EIF4G3: variants seen among roughly 807,000 people sequenced by gnomAD.
The protein encoded by EIF4G3 is eukaryotic translation initiation factor 4 gamma 3.
EIF4G3 carries 34 observed loss-of-function variants against 186.4 expected under a neutral mutation model. The observed-to-expected ratio is 0.18, with a 90% CI of 0.14 to 0.24. The LOEUF is 0.24. Among genes scored for constraint, EIF4G3 ranks in the 10% least tolerant of loss-of-function variants. EIF4G3 has a pLI of 1.00. For missense variants in EIF4G3, 1,536 were observed against 1,948.5 expected (o/e 0.79, Z 3.99); for synonymous variants, 673 against 679.5 (o/e 0.99, Z 0.15).
At chr1:20,844,207 C>T (rs778575577) in intron 29 of EIF4G3, among the ~76,000 whole-genome samples, 4 of 152,108 alleles carry the variant, frequency 2.6e-5, no homozygotes, top group Non-Finnish European at 4.4e-5. Context: ...GTATTTCTGT[C>T]TCTAGGTCTC....
Position 20,857,471 on chromosome 1 carries a change from A to G in EIF4G3, c.3271T>C (p.Trp1091Arg), listed in dbSNP as rs781410880. 4.3e-6 allele frequency: 7 copies of G among 1,614,126 alleles called. No homozygotes were observed. The highest frequency in any genetic ancestry group is 5.9e-6 in the Non-Finnish European group (7 of 1,180,028). Residue 1091 changes from tryptophan to arginine, a missense_variant, in exon 25 of 37, where the codon TGG becomes CGG. By Grantham distance (101) the Trp-to-Arg change is moderately radical. Around this residue, in one of 11 missense-constraint regions of EIF4G3, gnomAD observed 110 missense variants for 166.2 expected, o/e 0.66. Coordinates refer to ENST00000602326, the MANE Select transcript of EIF4G3 (RefSeq NM_001391906.1). ...PGVQRVDEGG[W>R]NTVQGAKNSR... ...TTCTTGGCCCCTTGTACAGTGTTCC[A>G]CCCACCTTCGTCCACTCTCTGGACA...
chr1:20,894,586 G>C (rs10737454), intron 17 of EIF4G3, among the ~76,000 whole-genome samples: 89,147 of 151,488 alleles, frequency 0.59, 26,508 homozygotes, highest in East Asian at 0.83. Flanking sequence ...TGACCTTGAA[G>C]AGTAGGATAT....
chr1:20,967,993 A>C (rs2075071253), intron 12 of EIF4G3, among the ~76,000 whole-genome samples: 1 of 152,092 alleles, frequency 6.6e-6, no homozygotes, highest in African/African-American at 2.4e-5. Flanking sequence ...GGATCTTGCT[A>C]TGTTGCCCAA....
intron 3 of EIF4G3, among the ~76,000 whole-genome samples, chr1:21,057,561 CAGAA>C (rs1246792466): frequency 2.0e-5 from 3 of 151,900 alleles, no homozygotes; most frequent in African/African-American, 7.3e-5. Context: ...GAAATTATGA[CAGAA>C]AGGGCATGTG....
intron 3 of EIF4G3, among the ~76,000 whole-genome samples, chr1:21,059,820 T>A (rs2094791932): frequency 6.6e-6 from 1 of 152,224 alleles, no homozygotes; most frequent in South Asian, 2.1e-4. Flanking sequence ...AAGAAAATGT[T>A]GTTAAAATTG....
chr1:20,827,557 A>G, intron 32 of EIF4G3, 60 bp downstream of exon 32: 1 of 1,092,248 alleles, frequency 9.2e-7, no homozygotes, highest in East Asian at 2.5e-5. Flanking sequence ...ATAACCCAAG[A>G]TCAAGATCAC....
intron 14 of EIF4G3, among the ~76,000 whole-genome samples, chr1:20,920,202 G>A (rs764903181): frequency 2.6e-5 from 4 of 152,082 alleles, no homozygotes; most frequent in African/African-American, 7.2e-5. Context: ...CACTGCGTCC[G>A]GTCGAGATAT....
chr1:20,882,389 G>A (rs773269936), intron 19 of EIF4G3, among the ~76,000 whole-genome samples: 2 of 152,144 alleles, frequency 1.3e-5, no homozygotes, highest in Non-Finnish European at 2.9e-5. Flanking sequence ...GGAGGCCAAG[G>A]AGGGCAGATC....
intron 3 of EIF4G3, among the ~76,000 whole-genome samples, chr1:21,086,168 C>A (rs1021459707): frequency 1.4e-5 from 2 of 145,522 alleles, no homozygotes; most frequent in African/African-American, 5.1e-5. Context: ...TCAGACAGAC[C>A]AAGAAAAATA....
chr1:20,949,318 T>C (rs1558391939), intron 13 of EIF4G3, among the ~76,000 whole-genome samples: 2 of 152,192 alleles, frequency 1.3e-5, no homozygotes, highest in South Asian at 2.1e-4. Flanking sequence ...CAACAAACAT[T>C]TGGCACCTTC....
intron 2 of EIF4G3, among the ~76,000 whole-genome samples, chr1:21,141,496 A>G (rs1179890035): frequency 6.6e-6 from 1 of 151,840 alleles, no homozygotes; most frequent in Non-Finnish European, 1.5e-5. Flanking sequence ...AAAAAAAAAA[A>G]CAAGATCCTG....
At chr1:21,173,346 G>A (rs1310846605) in intron 2 of EIF4G3, among the ~76,000 whole-genome samples, 1 of 151,600 alleles carries the variant, frequency 6.6e-6, no homozygotes, top group African/African-American at 2.4e-5. Flanking sequence ...ACAGGCAGGC[G>A]CCACCACGCC....
At chr1:21,144,784 G>A (rs1300024413) in intron 2 of EIF4G3, among the ~76,000 whole-genome samples, 2 of 152,106 alleles carry the variant, frequency 1.3e-5, no homozygotes, top group South Asian at 2.1e-4. Context: ...CATTTTACCA[G>A]GCCAGATTTC....
At chr1:21,080,670 C>T (rs752603635) in intron 3 of EIF4G3, among the ~76,000 whole-genome samples, 15 of 151,902 alleles carry the variant, frequency 9.9e-5, no homozygotes, top group Non-Finnish European at 1.8e-4. Context: ...CCACCATGCC[C>T]GGCTAATTTT....
At chr1:20,904,318 G>A (rs2154557179) in intron 15 of EIF4G3, among the ~76,000 whole-genome samples, 1 of 152,182 alleles carries the variant, frequency 6.6e-6, no homozygotes, top group South Asian at 2.1e-4. Flanking sequence ...TTCTAGTTGG[G>A]GGAAGAGGAA....
intron 4 of EIF4G3, among the ~76,000 whole-genome samples, chr1:21,040,092 G>C (rs1379383340): frequency 1.3e-5 from 2 of 152,172 alleles, no homozygotes. Flanking sequence ...CTGTCTTTTT[G>C]TATGCTAATG....
intron 2 of EIF4G3, among the ~76,000 whole-genome samples, chr1:21,105,063 T>C (rs1040358518): frequency 6.6e-6 from 1 of 152,092 alleles, no homozygotes; most frequent in South Asian, 2.1e-4. Flanking sequence ...GAGGGTGAAG[T>C]GTGAGTGGAG....
chr1:20,858,507 C>G (rs1461743797), intron 24 of EIF4G3, among the ~76,000 whole-genome samples: 1 of 152,228 alleles, frequency 6.6e-6, no homozygotes, highest in Non-Finnish European at 1.5e-5. Flanking sequence ...CTGTTTAAAA[C>G]TGCACCCTAC....
At chr1:20,983,832 T>G (rs1287133447) in intron 7 of EIF4G3, among the ~76,000 whole-genome samples, 1 of 152,172 alleles carries the variant, frequency 6.6e-6, no homozygotes, top group African/African-American at 2.4e-5. Context: ...AATAGGGTGT[T>G]ACGGGGTGGT....
Sources: allele counts gnomAD v4.1 joint callset (sites outside exome capture counted in the v4.1 genomes callset), GRCh38; gene constraint gnomAD v4.1.1; regional missense constraint gnomAD v4.1.1; transcripts MANE v1.5; gene names NCBI Gene and HGNC (gene_info 2026-07-23, HGNC 2026-07-21).